TMBIM6: variants seen among roughly 807,000 people sequenced by gnomAD.
TMBIM6 encodes the protein transmembrane BAX inhibitor motif containing 6.
In TMBIM6, 13 loss-of-function variants were observed where a neutral mutation model predicts 31.4. The ratio of observed to expected loss-of-function variants is 0.41; its 90% CI spans 0.27 to 0.66. The LOEUF is 0.66. TMBIM6 is among the 30% of genes least tolerant of loss of function. The pLI is 0.28. For synonymous variants in TMBIM6, 85 were observed against 101.7 expected (o/e 0.84, Z 0.99); for missense variants, 275 against 289.5 (o/e 0.95, Z 0.36).
At chr12:49,758,908 G>T in intron 7 of TMBIM6, 146 bp downstream of exon 7, 1 of 740,702 alleles carries the variant, frequency 1.4e-6, no homozygotes, top group South Asian at 1.8e-5. Flanking sequence ...GGAGCCTTCT[G>T]CCACAAGTGA....
At chr12:49,752,925 A>G (rs758305530) in intron 2 of TMBIM6, 48 bp from the exon 3 acceptor site, 3 of 1,514,914 alleles carry the variant, frequency 2.0e-6, no homozygotes, top group Non-Finnish European at 1.8e-6. Flanking sequence ...TAGCTTAAAT[A>G]TGAGATTGAT....
At chr12:49,758,991 C>G in intron 7 of TMBIM6, 1 of 624,374 alleles carries the variant, frequency 1.6e-6, no homozygotes, top group Non-Finnish European at 2.8e-6. Flanking sequence ...TAAGGCCAGT[C>G]TGGCAGTGGC....
chr12:49,746,861 A>G (rs1945404789), intron 1 of TMBIM6, among the ~76,000 whole-genome samples: 1 of 151,770 alleles, frequency 6.6e-6, no homozygotes, highest in African/African-American at 2.4e-5. Flanking sequence ...TTTGAGACAG[A>G]GTCTGGCTCT....
chr12:49,758,869 C>G (rs1945659896), intron 7 of TMBIM6, 107 bp downstream of exon 7: 1 of 946,854 alleles, frequency 1.1e-6, no homozygotes, highest in African/African-American at 1.8e-5. Context: ...GCAGTGCTCT[C>G]TAAGCCTTCC....
chr12:49,763,382 TCTCAAC>T lies in TMBIM6; in HGVS notation c.*487_*492del, dbSNP rs1427992639. 1 of 153,622 alleles carries T rather than the reference TCTCAAC, an allele frequency of 6.5e-6. No homozygotes were observed. Among genetic ancestry groups the T allele is most frequent in the African/African-American group, 2.4e-5 (1 of 41,450 alleles). 9.5% of individuals were successfully genotyped at this position (153,622 alleles called of 1,614,324 possible). A position where few individuals can be genotyped will look rare whatever the true frequency, so the allele number is the denominator to read the frequency against. On this transcript the variant is annotated 3_prime_UTR_variant, in exon 10 of 10. Transcript: ENST00000267115. ...GTCCCATTGTTAACTCAGCCTCAAA[TCTCAAC>T]TGTCAGGCCCTACAAAGAAAATGGA...
intron 1 of TMBIM6, 154 bp downstream of exon 1, chr12:49,741,765 C>T (rs73306885): frequency 0.07 from 16,332 of 234,864 alleles, 1,222 homozygotes; most frequent in African/African-American, 0.22. Context: ...CTCGGGAAAA[C>T]AGGGTGTGGA....
chr12:49,755,017 C>T (rs763151161), intron 3 of TMBIM6, among the ~76,000 whole-genome samples: 1 of 152,080 alleles, frequency 6.6e-6, no homozygotes, highest in African/African-American at 2.4e-5. Context: ...AGTGCAATGG[C>T]GTGATCTTGG....
rs1200701134 is a variant in TMBIM6, at chr12:49,758,573, A to G, written c.433+93A>G. ...CCTTACCCCTAACTCCTTTGCGACT[A>G]TTGAGTTGAGATTAACCTTCATTCT... On this transcript the variant is annotated intron_variant, in intron 6 of 9. Coordinates refer to ENST00000267115, the MANE Select transcript of TMBIM6 (RefSeq NM_003217.3). 15 of 1,549,394 alleles carry G rather than the reference A, an allele frequency of 9.7e-6. No individual in the cohort carries two copies. The East Asian group carries it at 2.2e-4, about 23-fold the overall frequency.
chr12:49,749,424 T>G, intron 1 of TMBIM6, among the ~76,000 whole-genome samples: 1 of 148,488 alleles, frequency 6.7e-6, no homozygotes, highest in African/African-American at 2.6e-5. Context: ...GTCCTTTTCT[T>G]TTTGTAAGTC....
chr12:49,741,955 A>G, intron 1 of TMBIM6: 1 of 884,082 alleles, frequency 1.1e-6, no homozygotes, highest in East Asian at 2.8e-5. Context: ...TACTAAGTGT[A>G]GACGCAGGGC....
At chr12:49,759,998 G>T (rs370834758) in intron 8 of TMBIM6, among the ~76,000 whole-genome samples, 1 of 150,926 alleles carries the variant, frequency 6.6e-6, no homozygotes, top group South Asian at 2.1e-4. Context: ...TGTAGTCCCA[G>T]CTACTCAGGA....
At chr12:49,752,272 G>A (rs1470906) in intron 1 of TMBIM6, among the ~76,000 whole-genome samples, 192 bp from the exon 2 acceptor site, 3 of 151,982 alleles carry the variant, frequency 2.0e-5, no homozygotes, top group East Asian at 1.9e-4. Flanking sequence ...TTCCTCTGTC[G>A]TCTTTAAGAT....
intron 9 of TMBIM6, chr12:49,762,200 A>T (rs1945733001): frequency 5.9e-6 from 1 of 168,522 alleles, no homozygotes; most frequent in African/African-American, 2.4e-5. Context: ...TGAGTCAAGC[A>T]GTGGGGGAAA....
At chr12:49,756,574 G>T (rs1945599942) in intron 4 of TMBIM6, among the ~76,000 whole-genome samples, 1 of 149,640 alleles carries the variant, frequency 6.7e-6, no homozygotes. Flanking sequence ...CTCCCAAGTA[G>T]CTGGGACTAC....
At chr12:49,748,756 C>T (rs1945441080) in intron 1 of TMBIM6, among the ~76,000 whole-genome samples, 1 of 152,132 alleles carries the variant, frequency 6.6e-6, no homozygotes, top group Admixed American at 6.5e-5. Flanking sequence ...GTAAATAACC[C>T]CTCCTCTTTA....
At chr12:49,742,033 C>A in intron 1 of TMBIM6, 1 of 1,492,304 alleles carries the variant, frequency 6.7e-7, no homozygotes, top group Non-Finnish European at 9.0e-7. Flanking sequence ...CGCGAAACTC[C>A]ACCCATCCGA....
Position 49,759,225 on chromosome 12 carries a change from ACC to A in TMBIM6, c.519_520del (p.Leu174ValfsTer14), listed in dbSNP as rs1463101234. The A allele has an allele frequency of 6.2e-7, 1 of 1,613,856 alleles. No homozygotes were observed. Among genetic ancestry groups the A allele is most frequent in the South Asian group, 1.1e-5 (1 of 91,072 alleles). On this transcript the variant is annotated frameshift_variant, in exon 8 of 10. Coordinates refer to ENST00000267115, the MANE Select transcript of TMBIM6 (RefSeq NM_003217.3). LOFTEE classifies it high-confidence loss of function. ...TTCATCTCTTACATTTGTTAGGCAA[ACC>A]TGTATGTGGGACTGGTGGTCATGTG... is the stretch of plus-strand genomic sequence containing the variant.
intron 4 of TMBIM6, among the ~76,000 whole-genome samples, chr12:49,757,796 A>T (rs1262624572): frequency 6.6e-6 from 1 of 152,212 alleles, no homozygotes; most frequent in Admixed American, 6.5e-5. Context: ...AACCAGTCTC[A>T]CCTTTCTTTG....
intron 3 of TMBIM6, among the ~76,000 whole-genome samples, chr12:49,754,277 A>G (rs1158969669): frequency 6.6e-6 from 1 of 152,140 alleles, no homozygotes; most frequent in Non-Finnish European, 1.5e-5. Flanking sequence ...ACATGCCACC[A>G]TGCTTGGCTT....
Sources: gnomAD v4.1 joint callset for allele counts (sites outside exome capture counted in the v4.1 genomes callset) on GRCh38, gnomAD v4.1.1 for gene constraint, MANE v1.5 for transcripts, NCBI Gene and HGNC (gene_info 2026-07-23, HGNC 2026-07-21) for gene names.